Variants in R3HDM2 observed in about 807,000 individuals in gnomAD.
R3HDM2 encodes the protein R3H domain-containing protein 2.
Under a neutral mutation model 124.5 loss-of-function variants are expected in R3HDM2, and 38 were observed. The ratio of observed to expected loss-of-function variants is 0.31; its 90% CI spans 0.24 to 0.40. The LOEUF (loss-of-function observed/expected upper bound fraction) is 0.40. R3HDM2 is among the 10% of genes least tolerant of loss of function. The probability of loss-of-function intolerance (pLI) is 1.00; values close to 1 mark genes in which losing one functional copy is unlikely to be tolerated. For missense variants in R3HDM2, 869 were observed against 1,236.9 expected (o/e 0.70, Z 4.46); for synonymous variants, 391 against 448.0 (o/e 0.87, Z 1.61).
chr12:57,293,510 A>G (rs1318846371), intron 10 of R3HDM2, among the ~76,000 whole-genome samples: 3 of 152,124 alleles, frequency 2.0e-5, no homozygotes, highest in African/African-American at 7.2e-5. Context: ...ATGGCTGGGG[A>G]GATCACCACC....
At chr12:57,308,454 G>T (rs1229544059) in intron 3 of R3HDM2, among the ~76,000 whole-genome samples, 3 of 151,072 alleles carry the variant, frequency 2.0e-5, no homozygotes, top group South Asian at 4.2e-4. Flanking sequence ...GGAGGCCAAG[G>T]CGGGCAGATC....
At chr12:57,291,219 T>C (rs769057898) in intron 11 of R3HDM2, among the ~76,000 whole-genome samples, 3 of 149,886 alleles carry the variant, frequency 2.0e-5, no homozygotes, top group Non-Finnish European at 4.5e-5. Context: ...GTTGTTCAGT[T>C]TTTTAGTTGG....
At chr12:57,428,748 ATTT>A (rs920947925) in intron 1 of R3HDM2, among the ~76,000 whole-genome samples, 1 of 113,506 alleles carries the variant, frequency 8.8e-6, no homozygotes, top group African/African-American at 3.0e-5. Context: ...GCATGCTATT[ATTT>A]TTTTTTTTTT....
At chr12:57,288,615 C>A (rs1423748500) in intron 12 of R3HDM2, among the ~76,000 whole-genome samples, 1 of 152,038 alleles carries the variant, frequency 6.6e-6, no homozygotes, top group Non-Finnish European at 1.5e-5. Flanking sequence ...CCCAGACACA[C>A]CTATTTGGTC....
intron 2 of R3HDM2, among the ~76,000 whole-genome samples, chr12:57,343,263 T>C (rs1158011275): frequency 6.7e-6 from 1 of 149,052 alleles, no homozygotes; most frequent in African/African-American, 2.5e-5. Flanking sequence ...CGATCTTGGC[T>C]CACCACAACC....
rs184235443 is a variant in R3HDM2, at chr12:57,269,502, A to G, written c.1588-53T>C. ...GAAGTCCCTAAAATTCAGCCGCAACATCAGCATACTACTATAAATGCCTCA... is the reference window on the plus strand; with the variant it reads ...GAAGTCCCTAAAATTCAGCCGCAACGTCAGCATACTACTATAAATGCCTCA... On this transcript the variant is annotated intron_variant, in intron 15 of 23. Transcript: ENST00000402412. 8.4e-5 allele frequency: 135 copies of G among 1,602,008 alleles called. 1 individual carries two copies. Among genetic ancestry groups the G allele is most frequent in the Non-Finnish European group, 6.0e-5 (70 of 1,172,968 alleles).
chr12:57,260,523 AGTC>A (rs1026082082), intron 19 of R3HDM2, among the ~76,000 whole-genome samples: 1 of 152,010 alleles, frequency 6.6e-6, no homozygotes, highest in African/African-American at 2.4e-5. Context: ...CAAGGTAAAG[AGTC>A]AGGGTCAAGC....
At chr12:57,426,070 A>C (rs552344251) in intron 1 of R3HDM2, among the ~76,000 whole-genome samples, 11 of 152,282 alleles carry the variant, frequency 7.2e-5, no homozygotes, top group African/African-American at 2.6e-4. Context: ...TCTACTAAAA[A>C]TACAAAAATT....
chr12:57,372,825 C>A (rs1193181969), intron 2 of R3HDM2, among the ~76,000 whole-genome samples: 1 of 152,178 alleles, frequency 6.6e-6, no homozygotes, highest in Non-Finnish European at 1.5e-5. Context: ...TCAACACATG[C>A]AAACACAAGA....
intron 12 of R3HDM2, among the ~76,000 whole-genome samples, chr12:57,285,983 G>C (rs2047243483): frequency 6.6e-6 from 1 of 152,148 alleles, no homozygotes; most frequent in Non-Finnish European, 1.5e-5. Flanking sequence ...TGACTAACCT[G>C]GGTTAGTACA....
Position 57,259,084 on chromosome 12 carries a change from G to C in R3HDM2, c.2132-25C>G, listed in dbSNP as rs1436791327. 4 of 1,601,022 alleles carry C rather than the reference G, an allele frequency of 2.5e-6. No homozygotes were observed. The Admixed American group carries it at 7.0e-5, about 28-fold the overall frequency. On this transcript the variant is annotated intron_variant, in intron 19 of 23. Transcript: ENST00000402412. ...CCTGAAGGGCAGGAAGAAAGCAGTT[G>C]GTTACAAATTCCAACTGTATTTTTG...
At chr12:57,266,857 G>A (rs1297977317) in intron 18 of R3HDM2, 26 bp from the exon 19 acceptor site, 1 of 1,490,826 alleles carries the variant, frequency 6.7e-7, no homozygotes, top group East Asian at 2.3e-5. Flanking sequence ...AGAGAGGAGT[G>A]GTGAAGCAGT....
intron 2 of R3HDM2, among the ~76,000 whole-genome samples, chr12:57,390,018 C>T (rs902064714): frequency 2.6e-5 from 4 of 151,954 alleles, no homozygotes; most frequent in African/African-American, 9.7e-5. Context: ...CTGCCGTTCC[C>T]TTTTCAAGAA....
chr12:57,255,095 TC>T lies in R3HDM2; in HGVS notation c.2650del (p.Glu884ArgfsTer2). Reference sequence around the variant, plus strand: ...GATGCCCTCAGGGAGATCTGTCACCTCCAGCACCCGCCCCAGGACTGGAAGG... The same window carrying T: ...GATGCCCTCAGGGAGATCTGTCACCTCAGCACCCGCCCCAGGACTGGAAGG... The part of the protein sequence containing the change: ...TADVVLGRVL[E>X]VTDLPEGITR... On this transcript the variant is annotated frameshift_variant, in exon 24 of 24. Coordinates refer to ENST00000402412, the MANE Select transcript of R3HDM2 (RefSeq NM_001394031.1). LOFTEE classifies it high-confidence loss of function. 1 of 1,592,930 alleles carries T rather than the reference TC, an allele frequency of 6.3e-7. No homozygotes were observed. Among genetic ancestry groups the T allele is most frequent in the South Asian group, 1.1e-5 (1 of 87,392 alleles).
intron 10 of R3HDM2, among the ~76,000 whole-genome samples, chr12:57,294,215 C>T (rs1446229570): frequency 6.6e-6 from 1 of 152,046 alleles, no homozygotes; most frequent in Non-Finnish European, 1.5e-5. Flanking sequence ...ACGTCACAGA[C>T]AGAAAGTACA....
At position 57,269,928 on chromosome 12, in the gene R3HDM2, C is replaced by T; in HGVS notation, c.1411G>A (p.Asp471Asn). The change falls in exon 15 of 24, where the codon GAC (aspartate) becomes AAC (asparagine). Residue 471 changes from aspartate (D) to asparagine (N), a missense_variant. Physicochemically the swap from Asp to Asn is conservative, Grantham distance 23 (BLOSUM62 1). Around this residue, in one of 2 missense-constraint regions of R3HDM2, gnomAD observed 602 missense variants for 789.2 expected, o/e 0.76. Transcript: ENST00000402412. Reference protein sequence around the residue: ...LSRQGSTEAADPSAALFQTPL... With the variant: ...LSRQGSTEAANPSAALFQTPL... ...GTCTGGAATAGAGCTGCAGATGGGT[C>T]AGCTGCTTCAGTAGAACCTTGGCGA... 6.2e-7 allele frequency: 1 copy of T among 1,614,152 alleles called. No individual in the cohort carries two copies. The highest frequency in any genetic ancestry group is 1.1e-5 in the South Asian group (1 of 91,080).
intron 4 of R3HDM2, among the ~76,000 whole-genome samples, chr12:57,301,702 G>A (rs556609400): frequency 1.1e-3 from 172 of 152,290 alleles, no homozygotes; most frequent in African/African-American, 4.1e-3. Flanking sequence ...CATAGTTCTT[G>A]GCCTTCTTCA....
chr12:57,365,927 C>T (rs2062588172), intron 2 of R3HDM2, among the ~76,000 whole-genome samples: 1 of 96,802 alleles, frequency 1.0e-5, no homozygotes, highest in African/African-American at 2.9e-5. Context: ...CAGAGCAAGA[C>T]TCCATCTCAA....
chr12:57,382,724 T>C (rs531591248), intron 2 of R3HDM2, among the ~76,000 whole-genome samples: 1 of 151,612 alleles, frequency 6.6e-6, no homozygotes, highest in South Asian at 2.1e-4. Flanking sequence ...CAGTCCCAGC[T>C]ACTTGGGAGG....
Sources: gnomAD v4.1 joint callset for allele counts (sites outside exome capture counted in the v4.1 genomes callset) on GRCh38, gnomAD v4.1.1 for gene constraint, gnomAD v4.1.1 regional missense constraint, MANE v1.5 for transcripts, NCBI Gene and HGNC (gene_info 2026-07-23, HGNC 2026-07-21) for gene names.